Variants in FRMPD4 observed in about 807,000 individuals in gnomAD.
FRMPD4 encodes the protein FERM and PDZ domain containing 4.
Under a neutral mutation model 94.1 loss-of-function variants are expected in FRMPD4, and 22 were observed. The observed-to-expected ratio is 0.23, with a 90% CI of 0.17 to 0.33. FRMPD4 has a LOEUF of 0.33. Ranked by LOEUF, FRMPD4 falls within the 10% of genes least tolerant of loss-of-function variation. The pLI, the probability that FRMPD4 is intolerant of heterozygous loss-of-function variation, is 1.00. For missense variants in FRMPD4, 1,111 were observed against 1,339.9 expected, an observed-to-expected ratio of 0.83 and a Z score of 2.67; for synonymous variants, 631 against 548.6, an observed-to-expected ratio of 1.15 and a Z score of -2.10.
chrX:11,929,847 C>T (rs183905750), intron 3 of FRMPD4, among the ~76,000 whole-genome samples: 3 of 110,480 alleles, frequency 2.7e-5, no homozygotes, highest in African/African-American at 9.9e-5. Flanking sequence ...GTGGCTCACA[C>T]CTGTAATCCC....
chrX:12,451,733 C>CGTGTGT (rs72300557), intron 1 of FRMPD4, among the ~76,000 whole-genome samples: 32,114 of 98,426 alleles, frequency 0.33, 4,975 homozygotes, highest in South Asian at 0.57. Context: ...TGTGTATGCC[C>CGTGTGT]GTGTGTGTGT....
At chrX:12,338,292 A>T (rs1481112636) in intron 1 of FRMPD4, among the ~76,000 whole-genome samples, 1 of 112,065 alleles carries the variant, frequency 8.9e-6, no homozygotes, top group African/African-American at 3.3e-5. Context: ...CCTAGACAGT[A>T]TATAGCCCTG....
At chrX:12,240,391 C>T (rs1601729218) in intron 1 of FRMPD4, among the ~76,000 whole-genome samples, 1 of 111,787 alleles carries the variant, frequency 8.9e-6, no homozygotes, top group African/African-American at 3.3e-5. Context: ...TAAGGGAGGC[C>T]GGTAAATGCA....
chrX:12,050,565 T>G (rs1240262780), intron 3 of FRMPD4, among the ~76,000 whole-genome samples: 1 of 112,038 alleles, frequency 8.9e-6, no homozygotes, highest in Non-Finnish European at 1.9e-5. Context: ...TATATGTGTA[T>G]ATAAGATAGT....
At chrX:11,915,865 G>A (rs1269058776) in intron 3 of FRMPD4, among the ~76,000 whole-genome samples, 1 of 111,898 alleles carries the variant, frequency 8.9e-6, no homozygotes, top group Non-Finnish European at 1.9e-5. Context: ...AAATGGGAAT[G>A]ATACTCATGA....
rs753530543 is a variant in FRMPD4 at position 12,614,840 on chromosome X, G to A, written c.381G>A (p.Pro127=). 42 of 1,184,991 alleles carry A rather than the reference G, an allele frequency of 3.5e-5. No homozygotes were observed. The highest frequency in any genetic ancestry group is 4.7e-5 in the Non-Finnish European group (41 of 873,576). The change falls in exon 4 of 17, where the codon CCG becomes CCA. Residue 127 remains proline (P), a synonymous_variant. Transcript: ENST00000675598. ...AGATTGTAATGATTAATGATGAACC[G>A]GTCAGCGCTGCACCCAGAGAGCGGG... ...GDQIVMINDE[P]VSAAPRERVI... is the part of the protein sequence containing the mutation.
At chrX:12,584,948 TCTCA>T (rs1242215702) in intron 2 of FRMPD4, among the ~76,000 whole-genome samples, 1 of 111,616 alleles carries the variant, frequency 9.0e-6, no homozygotes, top group Non-Finnish European at 1.9e-5. Context: ...TGAGGCAGAG[TCTCA>T]CTGTGTTGCT....
chrX:12,045,772 A>G (rs962169994), intron 3 of FRMPD4, among the ~76,000 whole-genome samples: 2 of 111,809 alleles, frequency 1.8e-5, no homozygotes, highest in African/African-American at 6.5e-5. Context: ...AAAATCACTG[A>G]ACAGGTAGAT....
chrX:11,872,130 A>T (rs1308689109), intron 2 of FRMPD4, among the ~76,000 whole-genome samples: 1 of 112,431 alleles, frequency 8.9e-6, no homozygotes, highest in East Asian at 2.8e-4. Flanking sequence ...ATCTGATTAT[A>T]AATGCATAGA....
intron 3 of FRMPD4, among the ~76,000 whole-genome samples, chrX:12,092,399 C>T (rs1309631151): frequency 1.8e-5 from 2 of 112,115 alleles, no homozygotes; most frequent in East Asian, 5.6e-4. Flanking sequence ...GGTCAATGGT[C>T]AACCCCATGC....
At chrX:12,650,249 T>A (rs2059584215) in intron 4 of FRMPD4, among the ~76,000 whole-genome samples, 1 of 112,053 alleles carries the variant, frequency 8.9e-6, no homozygotes, top group Non-Finnish European at 1.9e-5. Context: ...AGTTTCTACA[T>A]CTTCTGGATG....
In FRMPD4 at chrX:12,463,692, G is replaced by GTTT. The variant is rs1235218164; in HGVS notation, c.42-34985_42-34983dup. Among the ~76,000 whole-genome samples, 130 of 81,744 alleles carry GTTT rather than the reference G, an allele frequency of 1.6e-3. 3 individuals carry two copies. The highest frequency in any genetic ancestry group is 6.1e-3 in the African/African-American group (126 of 20,621). 71.0% of individuals were successfully genotyped at this position (81,744 alleles called of 115,157 possible). A position where few individuals can be genotyped will look rare whatever the true frequency, so the allele number is the denominator to read the frequency against. The stretch of plus-strand genomic sequence containing the variant: ...CCTCCTATGTGTGTGTTTTTTTTTT[G>GTTT]TTTTTGTTTTTTTTTTTTAACAGAG... On this transcript the variant is annotated intron_variant, in intron 1 of 16. Transcript: ENST00000675598.
intron 1 of FRMPD4, among the ~76,000 whole-genome samples, chrX:11,847,894 AG>A (rs1344504273): frequency 2.6e-5 from 1 of 38,077 alleles, no homozygotes; most frequent in Non-Finnish European, 4.4e-5. Flanking sequence ...GGGTCGGGGG[AG>A]GGGGGAGGGT....
At chrX:12,349,389 G>A (rs1272287424) in intron 1 of FRMPD4, among the ~76,000 whole-genome samples, 3 of 110,336 alleles carry the variant, frequency 2.7e-5, no homozygotes, top group Non-Finnish European at 3.8e-5. Flanking sequence ...CACCTGGGGA[G>A]CGAGGGGGTC....
chrX:12,374,215 C>T (rs1330688645), intron 1 of FRMPD4, among the ~76,000 whole-genome samples: 1 of 112,081 alleles, frequency 8.9e-6, no homozygotes, highest in East Asian at 2.8e-4. Context: ...CTTTATGCAA[C>T]TAGGAGCTGT....
At chrX:11,877,508 G>A (rs17321551) in intron 2 of FRMPD4, among the ~76,000 whole-genome samples, 52,779 of 110,533 alleles carry the variant, frequency 0.48, 9,255 homozygotes, top group Middle Eastern at 0.57. Context: ...TAACTGCACC[G>A]GGTTGTCCTG....
At chrX:12,082,499 G>GAATGAA (rs2055070541) in intron 3 of FRMPD4, among the ~76,000 whole-genome samples, 1 of 111,710 alleles carries the variant, frequency 9.0e-6, no homozygotes, top group Admixed American at 9.5e-5. Flanking sequence ...TTTATCAGGA[G>GAATGAA]AATGAAAATG....
chrX:12,229,116 G>A (rs1008593016), intron 1 of FRMPD4, among the ~76,000 whole-genome samples: 1 of 112,309 alleles, frequency 8.9e-6, no homozygotes, highest in African/African-American at 3.2e-5. Flanking sequence ...GTTGGAATTG[G>A]TTGGAGGTAT....
chrX:12,683,661 C>A, intron 6 of FRMPD4, 74 bp downstream of exon 6: 2 of 526,538 alleles, frequency 3.8e-6, no homozygotes, highest in Admixed American at 3.0e-5. Flanking sequence ...AAAACAAAGT[C>A]AGTAGTCCCA....
Sources: gnomAD v4.1 joint callset for allele counts (sites outside exome capture counted in the v4.1 genomes callset) on GRCh38, gnomAD v4.1.1 for gene constraint, MANE v1.5 for transcripts, NCBI Gene and HGNC (gene_info 2026-07-23, HGNC 2026-07-21) for gene names.